Variants in PDIA5 observed in about 807,000 individuals in gnomAD.
PDIA5 encodes protein disulfide-isomerase A5.
PDIA5 carries 58 observed loss-of-function variants against 77.6 expected under a neutral mutation model. That is an observed-to-expected ratio of 0.75 (90% confidence interval 0.61 to 0.93). PDIA5 has a LOEUF of 0.93. Ranked by LOEUF, PDIA5 falls within the 40% of genes least tolerant of loss-of-function variation. The pLI is 0.00. For synonymous variants in PDIA5, 250 were observed against 252.1 expected, an observed-to-expected ratio of 0.99 and a Z score of 0.08; for missense variants, 630 against 647.7, an observed-to-expected ratio of 0.97 and a Z score of 0.30.
chr3:123,120,853 C>CT (rs1935098195), intron 8 of PDIA5, among the ~76,000 whole-genome samples: 1 of 152,064 alleles, frequency 6.6e-6, no homozygotes, highest in Non-Finnish European at 1.5e-5. Context: ...TCCTCATGCA[C>CT]CCTTCATCCT....
chr3:123,156,950 G>A (rs1485889732), intron 15 of PDIA5, among the ~76,000 whole-genome samples: 2 of 152,186 alleles, frequency 1.3e-5, no homozygotes, highest in Non-Finnish European at 2.9e-5. Context: ...GAGAGCCCAC[G>A]TCTTCTCTTC....
intron 11 of PDIA5, among the ~76,000 whole-genome samples, chr3:123,137,193 A>T (rs1455406116): frequency 6.6e-6 from 1 of 152,190 alleles, no homozygotes; most frequent in Non-Finnish European, 1.5e-5. Flanking sequence ...GCAGCCATGG[A>T]TACTATCTGC....
At position 123,097,349 on chromosome 3, in the gene PDIA5, G is replaced by C. The variant is rs1272804096; in HGVS notation, c.257+4907G>C. Among the ~76,000 whole-genome samples the C allele has an allele frequency of 5.9e-5, 9 of 152,198 alleles. 1 individual carries two copies. In the South Asian group the frequency reaches 1.0e-3, roughly 18 times the overall value. On this transcript the variant is annotated intron_variant, in intron 3 of 16. Coordinates refer to ENST00000316218, the MANE Select transcript of PDIA5 (RefSeq NM_006810.4). The stretch of plus-strand genomic sequence containing the variant: ...GAATTGCTGGGCTGGGAGGGCAGCG[G>C]AGGGGAGGCACCTTACATGTCTGCA...
chr3:123,158,387 A>G (rs1347467098), intron 15 of PDIA5, among the ~76,000 whole-genome samples: 2 of 152,178 alleles, frequency 1.3e-5, no homozygotes, highest in African/African-American at 4.8e-5. Context: ...GAGTTCTCCC[A>G]GAAGCAGACC....
chr3:123,097,542 C>T (rs922327957), intron 3 of PDIA5, among the ~76,000 whole-genome samples: 7 of 152,200 alleles, frequency 4.6e-5, no homozygotes, highest in East Asian at 1.9e-4. Flanking sequence ...GTGACCACCA[C>T]GACCTGTCCA....
At chr3:123,081,182 C>T (rs1455833915) in intron 1 of PDIA5, among the ~76,000 whole-genome samples, 5 of 152,248 alleles carry the variant, frequency 3.3e-5, no homozygotes, top group Non-Finnish European at 5.9e-5. Flanking sequence ...GGTGTGATTA[C>T]CTCACAGTAC....
At chr3:123,096,029 CT>C (rs1339379802) in intron 3 of PDIA5, among the ~76,000 whole-genome samples, 2 of 152,066 alleles carry the variant, frequency 1.3e-5, no homozygotes, top group Non-Finnish European at 2.9e-5. Flanking sequence ...GCCTTCTAGT[CT>C]TTCAGGGGGG....
intron 11 of PDIA5, among the ~76,000 whole-genome samples, chr3:123,133,080 A>G (rs1032668725): frequency 4.6e-5 from 7 of 152,166 alleles, no homozygotes; most frequent in African/African-American, 1.7e-4. Flanking sequence ...CTAGGGAGGG[A>G]TGGAATGTAC....
chr3:123,073,418 A>G (rs1042038881), intron 1 of PDIA5, among the ~76,000 whole-genome samples: 1 of 152,150 alleles, frequency 6.6e-6, no homozygotes, highest in Non-Finnish European at 1.5e-5. Flanking sequence ...TGTCCCTGAA[A>G]CTTGCTTTTC....
intron 1 of PDIA5, among the ~76,000 whole-genome samples, chr3:123,069,715 C>T (rs1392025288): frequency 1.3e-5 from 2 of 152,112 alleles, no homozygotes; most frequent in Non-Finnish European, 2.9e-5. Context: ...GACCTAATTA[C>T]GTACCAAGGG....
At chr3:123,151,899 G>GCCTTCCTTCCTT (rs1560562207) in intron 14 of PDIA5, among the ~76,000 whole-genome samples, 1 of 120,650 alleles carries the variant, frequency 8.3e-6, no homozygotes, top group Admixed American at 8.4e-5. Flanking sequence ...CTTCCTTCCT[G>GCCTTCCTTCCTT]CCTGCCTTCC....
intron 7 of PDIA5, among the ~76,000 whole-genome samples, chr3:123,114,844 A>G (rs941370839): frequency 7.9e-5 from 12 of 152,162 alleles, no homozygotes; most frequent in African/African-American, 1.2e-4. Flanking sequence ...TTCTCCTGCC[A>G]GGACTGATGG....
In PDIA5 at chr3:123,092,459, T is replaced by C. The variant is rs1477861989; in HGVS notation, c.257+17T>C. On this transcript the variant is annotated intron_variant, in intron 3 of 16. Coordinates refer to ENST00000316218, the MANE Select transcript of PDIA5 (RefSeq NM_006810.4). ...GGACTGTGGGTATGTGCTGGGGCCA[T>C]GTGCCATGGTGGCTGCTGGGCAGAG... 3 of 1,596,480 alleles carry C rather than the reference T, an allele frequency of 1.9e-6. No homozygotes were observed. The highest frequency in any genetic ancestry group is 2.2e-5 in the South Asian group (2 of 90,690).
chr3:123,104,075 T>C (rs1302556622), intron 5 of PDIA5, among the ~76,000 whole-genome samples: 1 of 152,216 alleles, frequency 6.6e-6, no homozygotes, highest in East Asian at 1.9e-4. Context: ...GGCCCCAGCA[T>C]GCCACTGGGT....
At chr3:123,155,091 A>C in intron 15 of PDIA5, 50 bp downstream of exon 15, 1 of 1,249,796 alleles carries the variant, frequency 8.0e-7, no homozygotes, top group South Asian at 1.2e-5. Context: ...TAATTCCTAC[A>C]CCTTCCTTCT....
intron 6 of PDIA5, among the ~76,000 whole-genome samples, chr3:123,107,515 C>A (rs1934765262): frequency 6.6e-6 from 1 of 152,072 alleles, no homozygotes; most frequent in Non-Finnish European, 1.5e-5. Flanking sequence ...CATAGTGAGA[C>A]CCCCATCTCT....
chr3:123,141,295 G>A (rs534862162), intron 11 of PDIA5, among the ~76,000 whole-genome samples: 1 of 152,274 alleles, frequency 6.6e-6, no homozygotes, highest in East Asian at 1.9e-4. Flanking sequence ...TGGGGAGAGT[G>A]GTCAAGGGAG....
At chr3:123,122,439 G>T (rs183339404) in intron 8 of PDIA5, among the ~76,000 whole-genome samples, 2 of 151,980 alleles carry the variant, frequency 1.3e-5, no homozygotes, top group Admixed American at 1.3e-4. Flanking sequence ...CCTAAAATGG[G>T]CTAGGAAAAA....
In PDIA5 at chr3:123,124,354, T is replaced by A; in HGVS notation, c.773+11T>A. On this transcript the variant is annotated intron_variant, in intron 10 of 16. Transcript: ENST00000316218. ...GGAGTGGCTGAAGAAGTAAGTGGGG[T>A]GTGTGTGTGTCAGTGGGCGTGGACC... The A allele has an allele frequency of 6.4e-7, 1 of 1,560,332 alleles. No individual in the cohort carries two copies. Among genetic ancestry groups the A allele is most frequent in the Non-Finnish European group, 8.8e-7 (1 of 1,132,168 alleles).
Sources: allele counts gnomAD v4.1 joint callset (sites outside exome capture counted in the v4.1 genomes callset), GRCh38; gene constraint gnomAD v4.1.1; transcripts MANE v1.5; gene names NCBI Gene and HGNC (gene_info 2026-07-23, HGNC 2026-07-21).